The following RIPOR1 variants were observed in gnomAD, a reference collection of about 807,000 sequenced individuals.
RIPOR1 encodes the protein rho family-interacting cell polarization regulator 1.
Under a neutral mutation model 116.5 loss-of-function variants are expected in RIPOR1, and 58 were observed. That is an observed-to-expected ratio of 0.50 (90% CI 0.40 to 0.62). RIPOR1 has a LOEUF of 0.62. Among genes scored for constraint, RIPOR1 ranks in the 20% least tolerant of loss-of-function variants. The pLI is 0.00. For synonymous variants in RIPOR1, 605 were observed against 650.0 expected, an observed-to-expected ratio of 0.93 and a Z score of 1.05; for missense variants, 1,372 against 1,586.2, an observed-to-expected ratio of 0.86 and a Z score of 2.29.
chr16:67,540,612 C>T lies in RIPOR1; in HGVS notation c.709C>T (p.Leu237=). 1 of 1,614,008 alleles carries T rather than the reference C, an allele frequency of 6.2e-7. No individual in the cohort carries two copies. The highest frequency in any genetic ancestry group is 2.2e-5 in the East Asian group (1 of 44,864). ...CMKYGRQRWK[L]RGRIEGSGKQ... ...GAAATATGGGCGTCAGCGCTGGAAA[C>T]TACGGGGCCGAATTGAGGGTAGTGG... The change falls in exon 10 of 22, where the codon CTA becomes TTA. Residue 237 remains leucine (L), a synonymous_variant. Coordinates refer to ENST00000042381, the MANE Select transcript of RIPOR1 (RefSeq NM_024519.4). This position sits in a 1 kb window ranked among gnomAD's most constrained non-coding sequence, Gnocchi z 4.7.
chr16:67,527,614 T>C (rs1018034230), upstream of RIPOR1, among the ~76,000 whole-genome samples: 13 of 151,706 alleles, frequency 8.6e-5, no homozygotes, highest in African/African-American at 1.2e-4. Context: ...CGGTGGCTCA[T>C]GCCTGTAATC....
At position 67,544,546 on chromosome 16, in the gene RIPOR1, G is replaced by A; in HGVS notation, c.2733+115G>A. 6.5e-7 allele frequency: 1 copy of A among 1,533,552 alleles called. No homozygotes were observed. Among genetic ancestry groups the A allele is most frequent in the East Asian group, 2.3e-5 (1 of 44,120 alleles). 95.0% of individuals were successfully genotyped at this position (1,533,552 alleles called of 1,614,324 possible). A position where few individuals can be genotyped will look rare whatever the true frequency, so the allele number is the denominator to read the frequency against. On this transcript the variant is annotated intron_variant, in intron 15 of 21. Coordinates refer to ENST00000042381, the MANE Select transcript of RIPOR1 (RefSeq NM_024519.4). This position sits in a 1 kb window ranked among gnomAD's most constrained non-coding sequence, Gnocchi z 5.1. ...TGAGTGCCACACCCCAGTGCCCCAGGGCCCTTGGCATCTGGCCCTTGCTGA... is the reference window on the plus strand; with the variant it reads ...TGAGTGCCACACCCCAGTGCCCCAGAGCCCTTGGCATCTGGCCCTTGCTGA...
Position 67,537,593 on chromosome 16 carries a change from G to A in RIPOR1, c.-23-831G>A. On this transcript the variant is annotated intron_variant, in intron 1 of 21. Transcript: ENST00000042381. This position sits in a 1 kb window ranked among gnomAD's most constrained non-coding sequence, Gnocchi z 4.6. ...CCGGACCCACCATGAACACCAAGAA[G>A]AGAGGTAGGACCCAGCTCGGGGCTG... 1 of 1,421,558 alleles carries A rather than the reference G, an allele frequency of 7.0e-7. No individual in the cohort carries two copies. Among genetic ancestry groups the A allele is most frequent in the Non-Finnish European group, 9.2e-7 (1 of 1,086,990 alleles). 88.1% of individuals were successfully genotyped at this position (1,421,558 alleles called of 1,614,324 possible).
rs117582440 is a variant in RIPOR1, at chr16:67,536,675, C to T, written c.-23-1749C>T. The stretch of plus-strand genomic sequence containing the variant: ...GGGTGGTGCATGGGGCTGTGGGACT[C>T]TGCATCCAGTTCCTTCTCTGCATCT... On this transcript the variant is annotated intron_variant, in intron 1 of 21. Transcript: ENST00000042381. Among the ~76,000 whole-genome samples, 28 of 152,172 alleles carry T rather than the reference C, an allele frequency of 1.8e-4. No homozygotes were observed. In the East Asian group the frequency reaches 4.8e-3, roughly 26 times the overall value.
At chr16:67,524,702 G>C (rs1408176072), upstream of RIPOR1, among the ~76,000 whole-genome samples, 1 of 152,106 alleles carries the variant, frequency 6.6e-6, no homozygotes, top group African/African-American at 2.4e-5. Context: ...CCTCATCTGG[G>C]ATGTCTCCCT....
Position 67,545,675 on chromosome 16 carries a change from C to A in RIPOR1, c.3202C>A (p.Arg1068=). ...TETAEEVLLV[R]NLNSDDQAVV... is the part of the protein sequence containing the mutation. ...TCCCCTTTTTTCAGTGCTACTGGTG[C>A]GGAATCTGAACTCGGATGATCAGGC... Residue 1068 remains arginine (R), a synonymous_variant, in exon 19 of 22, where the codon CGG becomes AGG. Transcript: ENST00000042381. This position sits in a 1 kb window ranked among gnomAD's most constrained non-coding sequence, Gnocchi z 4.8. The A allele has an allele frequency of 6.4e-7, 1 of 1,567,832 alleles. No homozygotes were observed. The highest frequency in any genetic ancestry group is 8.7e-7 in the Non-Finnish European group (1 of 1,155,918).
chr16:67,544,622 G>A lies in RIPOR1; in HGVS notation c.2734-73G>A. 6.3e-7 allele frequency: 1 copy of A among 1,598,994 alleles called. No individual in the cohort carries two copies. On this transcript the variant is annotated intron_variant, in intron 15 of 21. Coordinates refer to ENST00000042381, the MANE Select transcript of RIPOR1 (RefSeq NM_024519.4). This position sits in a 1 kb window ranked among gnomAD's most constrained non-coding sequence, Gnocchi z 5.1. ...CCCAACCTCCCCCAGTGCATGCTGGGACTTGTCCCTGAGCACGATCCTCCC... is the reference window on the plus strand; with the variant it reads ...CCCAACCTCCCCCAGTGCATGCTGGAACTTGTCCCTGAGCACGATCCTCCC...
chr16:67,543,307 C>T lies in RIPOR1; in HGVS notation c.2479-41C>T. 1.2e-6 allele frequency: 2 copies of T among 1,606,526 alleles called. No homozygotes were observed. Among genetic ancestry groups the T allele is most frequent in the Non-Finnish European group, 1.7e-6 (2 of 1,177,424 alleles). ...GGGCTAGGGCAACCAGGGAGGGCAGCCAGGGGGCGGCAGCCGCTCTGATGC... is the reference window on the plus strand; with the variant it reads ...GGGCTAGGGCAACCAGGGAGGGCAGTCAGGGGGCGGCAGCCGCTCTGATGC... On this transcript the variant is annotated intron_variant, in intron 13 of 21. Transcript: ENST00000042381. This position sits in a 1 kb window ranked among gnomAD's most constrained non-coding sequence, Gnocchi z 4.7.
chr16:67,546,005 T>C lies in RIPOR1; in HGVS notation c.3444T>C (p.Ala1148=). ...LEDEDVQTRV[A]GCLALGCIKA... ...ATGAGGACGTGCAGACTCGAGTGGC[T>C]GGCTGCCTGGCCCTAGGCTGCATCA... Residue 1148 remains alanine (A), a synonymous_variant, in exon 20 of 22, where the codon GCT becomes GCC. Coordinates refer to ENST00000042381, the MANE Select transcript of RIPOR1 (RefSeq NM_024519.4). 6.2e-7 allele frequency: 1 copy of C among 1,613,480 alleles called. No individual in the cohort carries two copies. Among genetic ancestry groups the C allele is most frequent in the South Asian group, 1.1e-5 (1 of 91,080 alleles).
At position 67,537,788 on chromosome 16, in the gene RIPOR1, G is replaced by A. The variant is rs1201633509; in HGVS notation, c.-23-636G>A. On this transcript the variant is annotated intron_variant, in intron 1 of 21. Transcript: ENST00000042381. The surrounding 1 kb of genome is among the most constrained non-coding windows in gnomAD (Gnocchi z 4.6). ...AGGTGGGAGCCTCAGGAAAGAGGAG[G>A]GGGCGGGGCCCTTCTCGGCATCGCG... Among the ~76,000 whole-genome samples, 2 of 152,128 alleles carry A rather than the reference G, an allele frequency of 1.3e-5. No homozygotes were observed. The highest frequency in any genetic ancestry group is 2.9e-5 in the Non-Finnish European group (2 of 67,996).
At chr16:67,532,310 A>C (rs888300362) in intron 1 of RIPOR1, among the ~76,000 whole-genome samples, 2 of 152,114 alleles carry the variant, frequency 1.3e-5, no homozygotes, top group East Asian at 3.9e-4. Flanking sequence ...AGGCTAAGGC[A>C]GTAAGATTGC....
At chr16:67,520,925 G>A (rs2050490445) in intron 1 of RIPOR1, among the ~76,000 whole-genome samples, 1 of 152,192 alleles carries the variant, frequency 6.6e-6, no homozygotes, top group Admixed American at 6.5e-5. Flanking sequence ...GAAGCCAAAG[G>A]ACGCTTCAGA....
In RIPOR1 at chr16:67,541,605, A is replaced by T; in HGVS notation, c.950+27A>T. 6.2e-7 allele frequency: 1 copy of T among 1,613,870 alleles called. No homozygotes were observed. The highest frequency in any genetic ancestry group is 8.5e-7 in the Non-Finnish European group (1 of 1,179,846). On this transcript the variant is annotated intron_variant, in intron 11 of 21. Transcript: ENST00000042381. The surrounding 1 kb of genome is among the most constrained non-coding windows in gnomAD (Gnocchi z 4.6). ...TTGGTGGGGCTGAGAGGCTTGGAGG[A>T]GGGCCAGGAGGGCTGTGGCACCTGC... is the stretch of plus-strand genomic sequence containing the variant.
At chr16:67,525,925 G>C (rs1369413075), upstream of RIPOR1, among the ~76,000 whole-genome samples, 1 of 152,170 alleles carries the variant, frequency 6.6e-6, no homozygotes, top group Non-Finnish European at 1.5e-5. Flanking sequence ...CCTCTTTGAA[G>C]TGGGTTTCAA....
intron 1 of RIPOR1, among the ~76,000 whole-genome samples, chr16:67,535,708 G>T (rs1315071650): frequency 2.0e-5 from 3 of 152,128 alleles, no homozygotes; most frequent in Admixed American, 2.0e-4. Flanking sequence ...AGGTGAGGTG[G>T]GGGTGATGGA....
chr16:67,520,062 CAAAAAAAAAAAAA>C (rs796368368), intron 1 of RIPOR1, among the ~76,000 whole-genome samples: 3 of 46,056 alleles, frequency 6.5e-5, no homozygotes, highest in South Asian at 1.1e-3. Context: ...AACTCCGTCT[CAAAAAAAAAAAAA>C]AAAAAAAAAA....
upstream of RIPOR1, among the ~76,000 whole-genome samples, chr16:67,526,160 T>C (rs1184843006): frequency 1.3e-5 from 2 of 151,986 alleles, no homozygotes; most frequent in East Asian, 1.9e-4. Context: ...TAGGCAGTAA[T>C]GGGTGCTCAG....
chr16:67,526,321 T>C (rs533453849), upstream of RIPOR1, among the ~76,000 whole-genome samples: 5 of 152,004 alleles, frequency 3.3e-5, no homozygotes, highest in East Asian at 7.8e-4. Context: ...GGGAGTGTAG[T>C]GGAAGCCAGA....
chr16:67,544,360 C>A lies in RIPOR1; in HGVS notation c.2662C>A (p.Leu888Ile). Reference sequence around the variant, plus strand: ...CATAGACTCACCCAGTGCCCGCCCCCTCAGCACGGGGTGTCCAGCTCTGGA... The same window carrying A: ...CATAGACTCACCCAGTGCCCGCCCCATCAGCACGGGGTGTCCAGCTCTGGA... ...DSIDSPSARP[L>I]STGCPALDAA... is the part of the protein sequence containing the mutation. Residue 888 changes from leucine to isoleucine, a missense_variant, in exon 15 of 22, where the codon CTC becomes ATC. This residue lies in a region of RIPOR1 where 1,005 missense variants were observed against 1,144.7 expected (regional missense o/e 0.88). Coordinates refer to ENST00000042381, the MANE Select transcript of RIPOR1 (RefSeq NM_024519.4). This position sits in a 1 kb window ranked among gnomAD's most constrained non-coding sequence, Gnocchi z 5.1. The A allele has an allele frequency of 6.2e-7, 1 of 1,613,402 alleles. No individual in the cohort carries two copies. The highest frequency in any genetic ancestry group is 8.5e-7 in the Non-Finnish European group (1 of 1,179,834).
Sources: allele counts gnomAD v4.1 joint callset (sites outside exome capture counted in the v4.1 genomes callset), GRCh38; gene constraint gnomAD v4.1.1; regional missense constraint gnomAD v4.1.1; non-coding constraint Gnocchi (gnomAD v3.1); transcripts MANE v1.5; gene names NCBI Gene and HGNC (gene_info 2026-07-23, HGNC 2026-07-21).